KCTD16: variants seen among roughly 807,000 people sequenced by gnomAD.
The protein encoded by KCTD16 is BTB/POZ domain-containing protein KCTD16.
A neutral mutation model predicts 33.2 loss-of-function variants in KCTD16; 13 were observed. That is an observed-to-expected ratio of 0.39 (90% CI 0.25 to 0.62). The LOEUF is 0.62. Ranked by LOEUF, KCTD16 falls within the 20% of genes least tolerant of loss-of-function variation. The pLI, the probability that KCTD16 is intolerant of heterozygous loss-of-function variation, is 0.50. For synonymous variants in KCTD16, 197 were observed against 195.3 expected (o/e 1.01, Z -0.07); for missense variants, 441 against 525.1 (o/e 0.84, Z 1.57).
At chr5:144,232,924 CAT>C (rs1429308974) in intron 3 of KCTD16, among the ~76,000 whole-genome samples, 2 of 152,102 alleles carry the variant, frequency 1.3e-5, no homozygotes, top group African/African-American at 4.8e-5. Context: ...CTCAACAGCA[CAT>C]GTGGCTAATG....
intron 3 of KCTD16, among the ~76,000 whole-genome samples, chr5:144,405,848 G>T (rs959109136): frequency 6.6e-6 from 1 of 152,154 alleles, no homozygotes; most frequent in African/African-American, 2.4e-5. Context: ...GGCTCTCTGG[G>T]CAGGCTGTGA....
intron 3 of KCTD16, among the ~76,000 whole-genome samples, chr5:144,403,593 T>A (rs1275823150): frequency 6.6e-6 from 1 of 152,244 alleles, no homozygotes; most frequent in Non-Finnish European, 1.5e-5. Flanking sequence ...GGTGATGCAC[T>A]GGTTGTCGAT....
chr5:144,342,436 A>T (rs1305791900), intron 3 of KCTD16, among the ~76,000 whole-genome samples: 1 of 152,082 alleles, frequency 6.6e-6, no homozygotes, highest in African/African-American at 2.4e-5. Context: ...GTATCCTGAG[A>T]CTTTGCTGAA....
chr5:144,185,832 A>G (rs747867206), intron 2 of KCTD16, among the ~76,000 whole-genome samples: 4 of 152,196 alleles, frequency 2.6e-5, no homozygotes, highest in Non-Finnish European at 5.9e-5. Flanking sequence ...TCAATTTAGT[A>G]CTTACTATAT....
chr5:144,475,889 G>C lies in KCTD16; in HGVS notation c.*1775G>C, dbSNP rs750014541. On this transcript the variant is annotated 3_prime_UTR_variant, in exon 4 of 4. Coordinates refer to ENST00000512467, the MANE Select transcript of KCTD16 (RefSeq NM_020768.4). ...CCTTCACACTAGGATGACAGACTCA[G>C]CTAATGTTTCCTTGTCCTGAAGGTT... The C allele has an allele frequency of 6.6e-6, 1 of 152,228 alleles. No homozygotes were observed. Among genetic ancestry groups the C allele is most frequent in the Non-Finnish European group, 1.5e-5 (1 of 68,030 alleles). 9.4% of individuals were successfully genotyped at this position (152,228 alleles called of 1,614,324 possible).
At chr5:144,187,179 T>C (rs1002312512) in intron 2 of KCTD16, among the ~76,000 whole-genome samples, 9 of 152,180 alleles carry the variant, frequency 5.9e-5, no homozygotes, top group Non-Finnish European at 7.4e-5. Context: ...CATTTTTTTT[T>C]CCAGATTATT....
At chr5:144,197,636 A>G (rs1226838666) in intron 2 of KCTD16, among the ~76,000 whole-genome samples, 2 of 152,296 alleles carry the variant, frequency 1.3e-5, no homozygotes, top group Non-Finnish European at 2.9e-5. Context: ...ATGCCAAACC[A>G]TTGGGTACAC....
intron 3 of KCTD16, among the ~76,000 whole-genome samples, chr5:144,341,358 C>A (rs1001899450): frequency 6.6e-6 from 1 of 152,076 alleles, no homozygotes; most frequent in Non-Finnish European, 1.5e-5. Flanking sequence ...TTTTCCAAAT[C>A]AGACATATAT....
At chr5:144,331,659 C>T (rs578215741) in intron 3 of KCTD16, among the ~76,000 whole-genome samples, 2 of 152,270 alleles carry the variant, frequency 1.3e-5, no homozygotes, top group Non-Finnish European at 2.9e-5. Flanking sequence ...TACAATGTTA[C>T]TGTCACTCAC....
chr5:144,467,994 T>TC (rs36021786), intron 3 of KCTD16, among the ~76,000 whole-genome samples: 1 of 152,100 alleles, frequency 6.6e-6, no homozygotes, highest in African/African-American at 2.4e-5. Flanking sequence ...TGGGAAGAAT[T>TC]CCTTGCTTGC....
At chr5:144,420,959 A>G (rs1231942810) in intron 3 of KCTD16, among the ~76,000 whole-genome samples, 3 of 152,150 alleles carry the variant, frequency 2.0e-5, no homozygotes, top group Admixed American at 1.3e-4. Context: ...TGAGCAGAGG[A>G]AATCAGATTT....
chr5:144,352,588 A>G (rs1183936724), intron 3 of KCTD16, among the ~76,000 whole-genome samples: 1 of 152,104 alleles, frequency 6.6e-6, no homozygotes, highest in Non-Finnish European at 1.5e-5. Context: ...CAAATTGAAC[A>G]CAGTTCCTAC....
At position 144,440,705 on chromosome 5, in the gene KCTD16, A is replaced by G. The variant is rs191194981; in HGVS notation, c.833-32955A>G. 3.5e-3 allele frequency among the ~76,000 whole-genome samples: 532 copies of G among 151,866 alleles called. 2 individuals are homozygous for G. The highest frequency in any genetic ancestry group is 0.012 in the African/African-American group (513 of 41,438). On this transcript the variant is annotated intron_variant, in intron 3 of 3. Transcript: ENST00000512467. ...AAATCTGACTGTGGTTTTGATTTGC[A>G]TTTCTCTAATGATGAATAATGTTGA...
chr5:144,288,915 C>T (rs961692283), intron 3 of KCTD16, among the ~76,000 whole-genome samples: 1 of 152,146 alleles, frequency 6.6e-6, no homozygotes, highest in African/African-American at 2.4e-5. Context: ...ACTTGGGAGG[C>T]TGAGGCAGAA....
chr5:144,333,570 C>G (rs942731892), intron 3 of KCTD16, among the ~76,000 whole-genome samples: 3 of 152,008 alleles, frequency 2.0e-5, no homozygotes, highest in Middle Eastern at 3.2e-3. Context: ...TCCTGCAGCT[C>G]TGTGTGTGTG....
intron 3 of KCTD16, among the ~76,000 whole-genome samples, chr5:144,332,679 T>C (rs1338740764): frequency 6.6e-6 from 1 of 152,178 alleles, no homozygotes; most frequent in East Asian, 1.9e-4. Context: ...AGAACCAATA[T>C]GCCCATAAGG....
At chr5:144,344,229 A>C (rs1035545968) in intron 3 of KCTD16, among the ~76,000 whole-genome samples, 3 of 152,196 alleles carry the variant, frequency 2.0e-5, no homozygotes, top group African/African-American at 7.2e-5. Context: ...TAAAGACTTA[A>C]ACGTTATACC....
At chr5:144,198,234 G>T (rs1450085477) in intron 2 of KCTD16, among the ~76,000 whole-genome samples, 1 of 152,118 alleles carries the variant, frequency 6.6e-6, no homozygotes, top group African/African-American at 2.4e-5. Flanking sequence ...GCCATTCTGA[G>T]GATTTCGCTC....
intron 3 of KCTD16, among the ~76,000 whole-genome samples, chr5:144,387,901 G>T (rs1387293159): frequency 6.6e-6 from 1 of 151,974 alleles, no homozygotes; most frequent in Non-Finnish European, 1.5e-5. Context: ...TCTAGTGTCA[G>T]AGCTGTTTAG....
Sources: allele counts gnomAD v4.1 joint callset (sites outside exome capture counted in the v4.1 genomes callset), GRCh38; gene constraint gnomAD v4.1.1; transcripts MANE v1.5; gene names NCBI Gene and HGNC (gene_info 2026-07-23, HGNC 2026-07-21).